PTK2: variants seen among roughly 807,000 people sequenced by gnomAD.
The protein encoded by PTK2 is protein tyrosine kinase 2.
A neutral mutation model predicts 150.1 loss-of-function variants in PTK2; 45 were observed. The ratio of observed to expected loss-of-function variants is 0.30; its 90% confidence interval spans 0.24 to 0.38. The LOEUF (loss-of-function observed/expected upper bound fraction) is 0.38. Ranked by LOEUF, PTK2 falls within the 10% of genes least tolerant of loss-of-function variation. The pLI is 1.00. For synonymous variants in PTK2, 432 were observed against 449.2 expected, an observed-to-expected ratio of 0.96 and a Z score of 0.48; for missense variants, 919 against 1,307.3, an observed-to-expected ratio of 0.70 and a Z score of 4.58.
chr8:140,897,211 T>C (rs939924830), intron 2 of PTK2, among the ~76,000 whole-genome samples: 2 of 152,088 alleles, frequency 1.3e-5, no homozygotes, highest in Non-Finnish European at 2.9e-5. Flanking sequence ...CAAAAATCAA[T>C]GGTGAGATTC....
At chr8:140,975,511 T>C (rs2100188941) in intron 1 of PTK2, among the ~76,000 whole-genome samples, 1 of 152,162 alleles carries the variant, frequency 6.6e-6, no homozygotes, top group Non-Finnish European at 1.5e-5. Flanking sequence ...TGAAAAATAC[T>C]TTACAAAGAG....
chr8:140,868,601 A>G (rs1255588555), intron 4 of PTK2, among the ~76,000 whole-genome samples: 1 of 152,216 alleles, frequency 6.6e-6, no homozygotes, highest in African/African-American at 2.4e-5. Flanking sequence ...CTGTAAATTA[A>G]GTTGTGCCAT....
At chr8:140,973,728 A>C (rs910130293) in intron 1 of PTK2, among the ~76,000 whole-genome samples, 7 of 152,334 alleles carry the variant, frequency 4.6e-5, no homozygotes, top group Non-Finnish European at 1.0e-4. Context: ...TTTTCCAAAC[A>C]GAAAACAAAA....
intron 2 of PTK2, among the ~76,000 whole-genome samples, chr8:140,897,705 C>T (rs1038663804): frequency 6.6e-6 from 1 of 152,172 alleles, no homozygotes; most frequent in Non-Finnish European, 1.5e-5. Flanking sequence ...AATGACTATT[C>T]TGTTTCTACC....
chr8:140,827,112 G>C (rs1597445263), intron 8 of PTK2, among the ~76,000 whole-genome samples: 1 of 152,108 alleles, frequency 6.6e-6, no homozygotes, highest in African/African-American at 2.4e-5. Flanking sequence ...AATCCAAAAA[G>C]AGATCATACT....
intron 18 of PTK2, among the ~76,000 whole-genome samples, chr8:140,746,253 C>CT (rs2100058673): frequency 6.6e-6 from 1 of 151,998 alleles, no homozygotes; most frequent in Non-Finnish European, 1.5e-5. Flanking sequence ...ATCGCTTGAG[C>CT]CCAGGAGGTC....
intron 1 of PTK2, among the ~76,000 whole-genome samples, chr8:140,955,315 T>C (rs2100180861): frequency 1.3e-5 from 2 of 152,164 alleles, no homozygotes; most frequent in South Asian, 4.1e-4. Flanking sequence ...TCTCACAAGA[T>C]CTGAGGGTTT....
chr8:140,944,806 G>C (rs746923615), intron 1 of PTK2, among the ~76,000 whole-genome samples: 3 of 152,184 alleles, frequency 2.0e-5, no homozygotes, highest in Non-Finnish European at 2.9e-5. Flanking sequence ...AAGTACTCTA[G>C]AGTTTGCAAT....
intron 12 of PTK2, 56 bp from the exon 13 acceptor site, chr8:140,793,440 T>G: frequency 6.3e-7 from 1 of 1,579,354 alleles, no homozygotes; most frequent in Non-Finnish European, 8.6e-7. Flanking sequence ...TTTGAAAAGA[T>G]GGTGCCTAGA....
Position 140,954,738 on chromosome 8 carries a change from C to T in PTK2, c.-121-28989G>A, listed in dbSNP as rs2100180661. ...ACACAAGTATAGCAAGAGAATTATA[C>T]TCACAGTTCAGAAGCCCACAATAAC... On this transcript the variant is annotated intron_variant, in intron 1 of 31. Transcript: ENST00000522684. 6.6e-5 allele frequency: 10 copies of T among 152,308 alleles called. No homozygotes were observed. In the South Asian group the frequency reaches 2.1e-3, roughly 32 times the overall value. 9.4% of individuals were successfully genotyped at this position (152,308 alleles called of 1,614,324 possible). A position where few individuals can be genotyped will look rare whatever the true frequency, so the allele number is the denominator to read the frequency against.
At chr8:140,940,952 A>G (rs1671418377) in intron 1 of PTK2, among the ~76,000 whole-genome samples, 1 of 152,178 alleles carries the variant, frequency 6.6e-6, no homozygotes, top group Admixed American at 6.5e-5. Context: ...CCTGGGTGAC[A>G]AGAGCGAAAC....
At chr8:140,667,481 T>G (rs1425167350) in intron 30 of PTK2, among the ~76,000 whole-genome samples, 1 of 148,930 alleles carries the variant, frequency 6.7e-6, no homozygotes, top group African/African-American at 2.5e-5. Flanking sequence ...TTTTTTTTTT[T>G]AAAGAGATGG....
intron 3 of PTK2, 86 bp from the exon 4 acceptor site, chr8:140,879,723 A>C: frequency 3.9e-5 from 43 of 1,098,826 alleles, no homozygotes; most frequent in Non-Finnish European, 4.6e-5. Context: ...CAAAAACAAA[A>C]CAAAAAAAAA....
upstream of PTK2, among the ~76,000 whole-genome samples, chr8:141,001,653 T>C (rs1207542702): frequency 6.6e-6 from 1 of 152,000 alleles, no homozygotes; most frequent in Non-Finnish European, 1.5e-5. Context: ...TCTCCTTCCC[T>C]GCCCCCAAAT....
At chr8:140,863,936 A>G (rs1236751385) in intron 5 of PTK2, among the ~76,000 whole-genome samples, 1 of 152,216 alleles carries the variant, frequency 6.6e-6, no homozygotes, top group Non-Finnish European at 1.5e-5. Context: ...TTGTCTATCT[A>G]ATGCCTTACG....
At chr8:140,946,586 G>A (rs2100177771) in intron 1 of PTK2, among the ~76,000 whole-genome samples, 1 of 152,150 alleles carries the variant, frequency 6.6e-6, no homozygotes, top group Admixed American at 6.5e-5. Flanking sequence ...TGGAAGACCG[G>A]ACAGGAGCCT....
At chr8:140,989,212 T>TAAAAAAAAAAA (rs71310816) in intron 1 of PTK2, among the ~76,000 whole-genome samples, 1 of 60,580 alleles carries the variant, frequency 1.7e-5, no homozygotes, top group Non-Finnish European at 2.9e-5. Context: ...ACCCTGTCTC[T>TAAAAAAAAAAA]AAAAAAAAAA....
chr8:140,686,543 T>A, intron 27 of PTK2, 89 bp downstream of exon 30: 1 of 1,010,286 alleles, frequency 9.9e-7, no homozygotes, highest in East Asian at 2.4e-5. Context: ...TTACAAATAT[T>A]AGTAAACTTG....
At chr8:140,754,461 A>G (rs972147499) in intron 16 of PTK2, among the ~76,000 whole-genome samples, 1 of 152,230 alleles carries the variant, frequency 6.6e-6, no homozygotes. Context: ...TAACAGGTAT[A>G]CGAGAAAACT....
Sources: allele counts gnomAD v4.1 joint callset (sites outside exome capture counted in the v4.1 genomes callset), GRCh38; gene constraint gnomAD v4.1.1; transcripts MANE v1.5; gene names NCBI Gene and HGNC (gene_info 2026-07-23, HGNC 2026-07-21).